The following JUP variants were observed in gnomAD, a reference collection of about 807,000 sequenced individuals.
JUP encodes the protein catenin (cadherin-associated protein), gamma 80kDa.
A neutral mutation model predicts 71.1 loss-of-function variants in JUP; 28 were observed. The observed-to-expected ratio is 0.39, with a 90% CI of 0.29 to 0.54. The LOEUF is 0.54. JUP is among the 20% of genes least tolerant of loss of function. The probability of loss-of-function intolerance (pLI) is 0.62; values close to 1 mark genes in which losing one functional copy is unlikely to be tolerated. For missense variants in JUP, 869 were observed against 1,030.1 expected, an observed-to-expected ratio of 0.84 and a Z score of 2.14; for synonymous variants, 401 against 438.9, an observed-to-expected ratio of 0.91 and a Z score of 1.08.
intron 13 of JUP, 30 bp downstream of exon 13, chr17:41,756,145 A>G: frequency 6.2e-7 from 1 of 1,608,584 alleles, no homozygotes; most frequent in Non-Finnish European, 8.5e-7. Context: ...CAGGATCTCC[A>G]GGGTCCTGAA....
At chr17:41,771,987 A>T (rs1397025401) in intron 1 of JUP, 125 bp from the exon 2 acceptor site, 19 of 900,696 alleles carry the variant, frequency 2.1e-5, no homozygotes, top group Non-Finnish European at 3.0e-5. Flanking sequence ...TTCAATGAGG[A>T]TGCAGGCTGG....
chr17:41,765,202 A>AC, intron 5 of JUP, 135 bp from the exon 6 acceptor site: 1 of 875,074 alleles, frequency 1.1e-6, no homozygotes, highest in Non-Finnish European at 1.7e-6. Context: ...CTTTTAATGT[A>AC]TTTTTTTCTT....
At chr17:41,772,960 GGCCTACTACGA>G in intron 1 of JUP, 1 of 985,532 alleles carries the variant, frequency 1.0e-6, no homozygotes, top group South Asian at 4.7e-5. Context: ...ATCCCATGAG[GGCCTACTACGA>G]GCCAGACCTT....
Position 41,768,984 on chromosome 17 carries a change from A to G in JUP, c.692T>C (p.Leu231Pro), listed in dbSNP as rs782109462. The G allele has an allele frequency of 6.2e-7, 1 of 1,607,028 alleles. No homozygotes were observed. The highest frequency in any genetic ancestry group is 1.7e-5 in the Admixed American group (1 of 59,066). ...AIFKSGGIPALVRMLSSPVES... is the reference protein window; with the variant it reads ...AIFKSGGIPAPVRMLSSPVES... ...GGTTGGGTACCTGAGCATGCGGACC[A>G]GAGCAGGGATGCCACCCGACTTGAA... is the stretch of plus-strand genomic sequence containing the variant. The change falls in exon 4 of 14, where the codon CTG becomes CCG. Residue 231 changes from leucine to proline, a missense_variant. Coordinates refer to ENST00000393931, the MANE Select transcript of JUP (RefSeq NM_002230.4).
intron 2 of JUP, among the ~76,000 whole-genome samples, chr17:41,770,524 CA>C (rs1555606413): frequency 6.6e-6 from 1 of 152,188 alleles, no homozygotes; most frequent in Admixed American, 6.5e-5. Flanking sequence ...CCCTGCCAGC[CA>C]AAAGGCCCCC....
At chr17:41,774,957 G>T (rs1555608206) in intron 1 of JUP, among the ~76,000 whole-genome samples, 1 of 151,994 alleles carries the variant, frequency 6.6e-6, no homozygotes, top group Non-Finnish European at 1.5e-5. Flanking sequence ...ACAAAAATTA[G>T]CCAGGCATGG....
intron 1 of JUP, among the ~76,000 whole-genome samples, chr17:41,779,939 C>T (rs377722642): frequency 2.0e-5 from 3 of 151,738 alleles, no homozygotes; most frequent in Admixed American, 1.3e-4. Context: ...ACCTTCAGAG[C>T]GGTTGGGATT....
At chr17:41,778,009 T>G (rs2046966568) in intron 1 of JUP, among the ~76,000 whole-genome samples, 1 of 152,080 alleles carries the variant, frequency 6.6e-6, no homozygotes, top group Admixed American at 6.6e-5. Flanking sequence ...CAACAAAAGG[T>G]TGACGTGTGT....
chr17:41,777,211 G>A (rs1389043221), intron 1 of JUP, among the ~76,000 whole-genome samples: 8 of 152,100 alleles, frequency 5.3e-5, no homozygotes, highest in East Asian at 3.9e-4. Context: ...CTTCGCTCAC[G>A]CCAGGTGGAG....
intron 5 of JUP, among the ~76,000 whole-genome samples, chr17:41,765,685 C>T (rs1915608414): frequency 6.6e-6 from 1 of 152,012 alleles, no homozygotes; most frequent in East Asian, 1.9e-4. Context: ...TTATGTAAGC[C>T]AAAATTTTGA....
chr17:41,755,901 G>A lies in JUP; in HGVS notation c.2087-6C>T. On this transcript the variant is annotated splice_polypyrimidine_tract_variant and splice_region_variant and intron_variant, in intron 13 of 13. Transcript: ENST00000393931. ...GCGGTAGGTGGCATCCATGTCTGGGGACAAAAAGTGGGGCTCGGTCCTAGG... is the reference window on the plus strand; with the variant it reads ...GCGGTAGGTGGCATCCATGTCTGGGAACAAAAAGTGGGGCTCGGTCCTAGG... 6.2e-7 allele frequency: 1 copy of A among 1,602,692 alleles called. No homozygotes were observed. Among genetic ancestry groups the A allele is most frequent in the Non-Finnish European group, 8.5e-7 (1 of 1,173,110 alleles).
chr17:41,759,205 C>G (rs1400281686), intron 8 of JUP, among the ~76,000 whole-genome samples: 3 of 151,906 alleles, frequency 2.0e-5, no homozygotes, highest in Non-Finnish European at 4.4e-5. Context: ...TCCTGAGTAG[C>G]TGCGATTACA....
At chr17:41,773,487 T>C (rs1332561387) in intron 1 of JUP, among the ~76,000 whole-genome samples, 2 of 152,110 alleles carry the variant, frequency 1.3e-5, no homozygotes, top group Non-Finnish European at 2.9e-5. Context: ...ACAGAAGCAG[T>C]CCCGCCACCT....
Position 41,758,456 on chromosome 17 carries a change from C to A in JUP, c.1716G>T (p.Arg572=). The A allele has an allele frequency of 6.2e-7, 1 of 1,614,052 alleles. No individual in the cohort carries two copies. Among genetic ancestry groups the A allele is most frequent in the Non-Finnish European group, 8.5e-7 (1 of 1,180,020 alleles). ...AGATCTCCATGCGGTTCATGGGGTC[C>A]CGGGCGAGGATGTGCAGTGCTCCGG... ...GCTGALHILA[R]DPMNRMEIFR... Residue 572 remains arginine, a synonymous_variant, in exon 10 of 14, where the codon CGG becomes CGT. Transcript: ENST00000393931.
intron 1 of JUP, among the ~76,000 whole-genome samples, chr17:41,780,680 G>GT: frequency 6.8e-6 from 1 of 148,064 alleles, no homozygotes; most frequent in Non-Finnish European, 1.5e-5. Context: ...GGGCGACAGA[G>GT]CAGGACTCCA....
At chr17:41,783,285 G>GTTTTTTT (rs143614122) in intron 1 of JUP, among the ~76,000 whole-genome samples, 1 of 85,178 alleles carries the variant, frequency 1.2e-5, no homozygotes. Flanking sequence ...AATGATACGC[G>GTTTTTTT]TTTTTTTTGT....
chr17:41,772,672 T>C (rs1916850341), intron 1 of JUP: 1 of 399,246 alleles, frequency 2.5e-6, no homozygotes, highest in Non-Finnish European at 3.4e-6. Flanking sequence ...CCACGGCCAT[T>C]ATCATCAGCA....
Position 41,771,510 on chromosome 17 carries a change from T to C in JUP, c.208+137A>G, listed in dbSNP as rs145684194. On this transcript the variant is annotated intron_variant, in intron 2 of 13. Transcript: ENST00000393931. ...GCTGCACCTCCTCCTTCAGACTGGG[T>C]GGGCCCCTAGTTAGCATGAGCTGTG... The C allele has an allele frequency of 4.5e-3, 3,389 of 746,448 alleles. 12 individuals are homozygous for C. The highest frequency in any genetic ancestry group is 6.1e-3 in the Non-Finnish European group (2,693 of 439,440). The allele number at this position is 746,448 out of a possible 1,614,324, so 46.2% of individuals were successfully genotyped here.
chr17:41,771,586 A>T, intron 2 of JUP, 61 bp downstream of exon 2: 1 of 1,490,276 alleles, frequency 6.7e-7, no homozygotes, highest in Non-Finnish European at 9.3e-7. Flanking sequence ...TTTCACTCTG[A>T]CCTCTCTCCA....
Sources: allele counts gnomAD v4.1 joint callset (sites outside exome capture counted in the v4.1 genomes callset), GRCh38; gene constraint gnomAD v4.1.1; transcripts MANE v1.5; gene names NCBI Gene and HGNC (gene_info 2026-07-23, HGNC 2026-07-21).